SNTG1: variants seen among roughly 807,000 people sequenced by gnomAD.
SNTG1 encodes the protein gamma-1-syntrophin.
SNTG1 carries 39 observed loss-of-function variants against 74.7 expected under a neutral mutation model. The ratio of observed to expected loss-of-function variants is 0.52; its 90% CI spans 0.40 to 0.68. The LOEUF (loss-of-function observed/expected upper bound fraction) is 0.68. Ranked by LOEUF, SNTG1 falls within the 30% of genes least tolerant of loss-of-function variation. The pLI is 0.00. For missense variants in SNTG1, 685 were observed against 609.5 expected (o/e 1.12, Z -1.30); for synonymous variants, 254 against 217.1 (o/e 1.17, Z -1.49).
intron 4 of SNTG1, among the ~76,000 whole-genome samples, chr8:50,428,763 G>A (rs2093196282): frequency 1.3e-5 from 2 of 152,094 alleles, no homozygotes; most frequent in African/African-American, 2.4e-5. Context: ...GAATTTATAG[G>A]AAAGGGCCTT....
chr8:50,460,233 AG>A (rs2093547964), intron 8 of SNTG1, among the ~76,000 whole-genome samples: 1 of 152,160 alleles, frequency 6.6e-6, no homozygotes, highest in African/African-American at 2.4e-5. Context: ...TTTGATGATT[AG>A]TGATGATGGA....
chr8:50,061,898 G>C (rs1820505202), intron 1 of SNTG1, among the ~76,000 whole-genome samples: 1 of 152,010 alleles, frequency 6.6e-6, no homozygotes, highest in South Asian at 2.1e-4. Flanking sequence ...CTTGGTGAAT[G>C]CTTCTTGTCT....
intron 2 of SNTG1, chr8:50,381,846 A>G (rs2092493379): frequency 7.0e-6 from 1 of 141,892 alleles, no homozygotes; most frequent in Non-Finnish European, 1.5e-5. Flanking sequence ...TTATATATAT[A>G]TATATATGAA....
chr8:50,170,295 C>T (rs2082761825), intron 1 of SNTG1, among the ~76,000 whole-genome samples: 1 of 151,616 alleles, frequency 6.6e-6, no homozygotes, highest in Non-Finnish European at 1.5e-5. Context: ...TAAATAAAAC[C>T]CACAAATACA....
intron 13 of SNTG1, among the ~76,000 whole-genome samples, chr8:50,646,589 T>C (rs1351180017): frequency 6.6e-6 from 1 of 152,246 alleles, no homozygotes; most frequent in Non-Finnish European, 1.5e-5. Context: ...ATTATGAACA[T>C]GTTGCAGGTT....
chr8:50,216,208 T>C (rs10957828), intron 2 of SNTG1, among the ~76,000 whole-genome samples: 65,434 of 152,054 alleles, frequency 0.43, 17,830 homozygotes, highest in African/African-American at 0.78. Flanking sequence ...CACAAAAGGA[T>C]AGGAACATTT....
At chr8:50,786,824 T>C (rs1279045236) in intron 18 of SNTG1, among the ~76,000 whole-genome samples, 2 of 151,974 alleles carry the variant, frequency 1.3e-5, no homozygotes, top group East Asian at 1.9e-4. Context: ...CCTCATACCA[T>C]AAAAAATTAC....
At chr8:50,481,874 A>C (rs903348015) in intron 8 of SNTG1, among the ~76,000 whole-genome samples, 31 of 152,210 alleles carry the variant, frequency 2.0e-4, no homozygotes, top group African/African-American at 7.0e-4. Flanking sequence ...GTTTTTTGTT[A>C]CTAATCAGTT....
chr8:50,158,591 G>T (rs913645740), intron 1 of SNTG1, among the ~76,000 whole-genome samples: 2 of 152,118 alleles, frequency 1.3e-5, no homozygotes, highest in Non-Finnish European at 2.9e-5. Context: ...TGCAATTATT[G>T]AATACCTACA....
intron 18 of SNTG1, among the ~76,000 whole-genome samples, chr8:50,761,997 A>T (rs1420620362): frequency 6.6e-6 from 1 of 152,026 alleles, no homozygotes; most frequent in Non-Finnish European, 1.5e-5. Flanking sequence ...ACACTGGCAT[A>T]GTTAAGGCCA....
At chr8:50,167,723 G>A (rs772302098) in intron 1 of SNTG1, among the ~76,000 whole-genome samples, 11 of 151,226 alleles carry the variant, frequency 7.3e-5, no homozygotes, top group Non-Finnish European at 1.3e-4. Flanking sequence ...TGAGATGGGA[G>A]GATCCTGTCA....
rs2093688914 is a variant in SNTG1 at position 50,475,334 on chromosome 8, A to C, written c.363+24605A>C. 4.6e-5 allele frequency among the ~76,000 whole-genome samples: 7 copies of C among 152,122 alleles called. No individual in the cohort carries two copies. In the South Asian group the frequency reaches 1.4e-3, roughly 31 times the overall value. Reference sequence around the variant, plus strand: ...GTTTCTCACAATTAAAATTTTTTTAAAATCATGACAAATCACATAAAAATT... The same window carrying C: ...GTTTCTCACAATTAAAATTTTTTTACAATCATGACAAATCACATAAAAATT... On this transcript the variant is annotated intron_variant, in intron 8 of 18. Coordinates refer to ENST00000642720, the MANE Select transcript of SNTG1 (RefSeq NM_018967.5).
At position 50,198,260 on chromosome 8, in the gene SNTG1, C is replaced by T. The variant is rs953684827; in HGVS notation, c.-28+25625C>T. On this transcript the variant is annotated intron_variant, in intron 2 of 18. Transcript: ENST00000642720. ...AAAGCAGTCTCCCGGGTTGAATCCG[C>T]CGGCTCTGAAGGTGGCAGTGGGGAG... Among the ~76,000 whole-genome samples the T allele has an allele frequency of 2.6e-5, 4 of 152,186 alleles. No individual in the cohort carries two copies. In the East Asian group the frequency reaches 7.7e-4, roughly 29 times the overall value.
intron 13 of SNTG1, among the ~76,000 whole-genome samples, chr8:50,632,004 G>A (rs1041849245): frequency 6.6e-6 from 1 of 152,110 alleles, no homozygotes; most frequent in Non-Finnish European, 1.5e-5. Flanking sequence ...ACTATGTTAA[G>A]CGATTTGTCA....
At chr8:50,055,427 A>G (rs1332309248) in intron 1 of SNTG1, among the ~76,000 whole-genome samples, 1 of 152,170 alleles carries the variant, frequency 6.6e-6, no homozygotes, top group Non-Finnish European at 1.5e-5. Context: ...CAGGTTTTCA[A>G]TGAACTTTAA....
chr8:50,064,004 C>T (rs1188930674), intron 1 of SNTG1, among the ~76,000 whole-genome samples: 2 of 152,190 alleles, frequency 1.3e-5, no homozygotes, highest in African/African-American at 4.8e-5. Flanking sequence ...AATTGCATAA[C>T]TCTGGGAAAT....
chr8:49,984,640 T>TA (rs1812993111), intron 1 of SNTG1, among the ~76,000 whole-genome samples: 1 of 152,218 alleles, frequency 6.6e-6, no homozygotes, highest in African/African-American at 2.4e-5. Context: ...AAATCTTATT[T>TA]AAAAAATAAA....
chr8:50,778,517 G>A (rs1199081030), intron 18 of SNTG1, among the ~76,000 whole-genome samples: 4 of 151,938 alleles, frequency 2.6e-5, no homozygotes, highest in African/African-American at 9.7e-5. Flanking sequence ...AGAAGTGTCT[G>A]TTCATGTCCT....
chr8:50,589,091 C>CA (rs1489964725), intron 12 of SNTG1, among the ~76,000 whole-genome samples: 1 of 151,954 alleles, frequency 6.6e-6, no homozygotes, highest in Non-Finnish European at 1.5e-5. Context: ...AAATTGCTCC[C>CA]ACTTTCTTGC....
Sources: gnomAD v4.1 joint callset for allele counts (sites outside exome capture counted in the v4.1 genomes callset) on GRCh38, gnomAD v4.1.1 for gene constraint, MANE v1.5 for transcripts, NCBI Gene and HGNC (gene_info 2026-07-23, HGNC 2026-07-21) for gene names.